CNBD1: variants seen among roughly 807,000 people sequenced by gnomAD.
CNBD1 encodes the protein cyclic nucleotide binding domain containing 1.
Under a neutral mutation model 54.4 loss-of-function variants are expected in CNBD1, and 71 were observed. The ratio of observed to expected loss-of-function variants is 1.30; its 90% confidence interval spans 1.08 to 1.59. The LOEUF is 1.59. Ranked by LOEUF, CNBD1 falls within the 40% of genes most tolerant of loss-of-function variation. The pLI is 0.00. For synonymous variants in CNBD1, 182 were observed against 170.7 expected, an observed-to-expected ratio of 1.07 and a Z score of -0.51; for missense variants, 659 against 518.0, an observed-to-expected ratio of 1.27 and a Z score of -2.64.
chr8:87,381,771 C>T (rs538581900), intron 10 of CNBD1, among the ~76,000 whole-genome samples: 1 of 151,754 alleles, frequency 6.6e-6, no homozygotes, highest in East Asian at 1.9e-4. Context: ...CCAAACCTGA[C>T]CACTCATACG....
rs561330289 is a variant in CNBD1, at chr8:87,269,549, G to C, written c.772-15129G>C. On this transcript the variant is annotated intron_variant, in intron 6 of 10. Coordinates refer to ENST00000518476, the MANE Select transcript of CNBD1 (RefSeq NM_173538.3). ...AACAATATTTATTCTTGCTATCCAC[G>C]AGCATGGAATATTTTTCCATTTGTT... is the stretch of plus-strand genomic sequence containing the variant. 4.6e-5 allele frequency among the ~76,000 whole-genome samples: 7 copies of C among 152,192 alleles called. No individual in the cohort carries two copies. In the South Asian group the frequency reaches 1.5e-3, roughly 32 times the overall value.
chr8:87,072,703 T>C (rs1320241577), intron 4 of CNBD1, among the ~76,000 whole-genome samples: 3 of 152,104 alleles, frequency 2.0e-5, no homozygotes, highest in Non-Finnish European at 2.9e-5. Flanking sequence ...GTTCTATTTG[T>C]AGGTGACCTG....
chr8:87,190,835 A>G (rs923249779), intron 4 of CNBD1, among the ~76,000 whole-genome samples: 2 of 151,236 alleles, frequency 1.3e-5, no homozygotes, highest in African/African-American at 4.9e-5. Context: ...GGAGGTACAT[A>G]TGTAGATATA....
intron 2 of CNBD1, among the ~76,000 whole-genome samples, chr8:87,416,607 T>C (rs1359366830): frequency 6.6e-6 from 1 of 152,024 alleles, no homozygotes; most frequent in Non-Finnish European, 1.5e-5. Context: ...ACATGTCTGG[T>C]CATTCTCTGG....
intron 3 of CNBD1, among the ~76,000 whole-genome samples, chr8:86,912,509 C>G (rs1809115555): frequency 6.6e-6 from 1 of 152,150 alleles, no homozygotes; most frequent in Non-Finnish European, 1.5e-5. Flanking sequence ...CCTGTAATGT[C>G]ATACTTTAAC....
At chr8:87,013,944 A>G (rs1809277559) in intron 4 of CNBD1, among the ~76,000 whole-genome samples, 1 of 151,872 alleles carries the variant, frequency 6.6e-6, no homozygotes, top group Non-Finnish European at 1.5e-5. Flanking sequence ...GGGTGATGCA[A>G]CATATTATCA....
At chr8:86,983,608 G>C (rs1436303298) in intron 4 of CNBD1, among the ~76,000 whole-genome samples, 1 of 152,140 alleles carries the variant, frequency 6.6e-6, no homozygotes, top group Non-Finnish European at 1.5e-5. Context: ...GGTGGTCTTA[G>C]ACAGAAAGGA....
intron 4 of CNBD1, among the ~76,000 whole-genome samples, chr8:87,084,331 G>A (rs948947125): frequency 2.0e-5 from 3 of 151,978 alleles, no homozygotes; most frequent in Non-Finnish European, 4.4e-5. Flanking sequence ...TCCTTCTACT[G>A]GAAAAAATTG....
intron 8 of CNBD1, among the ~76,000 whole-genome samples, chr8:87,325,014 G>T (rs1275951793): frequency 9.6e-6 from 1 of 103,806 alleles, no homozygotes; most frequent in African/African-American, 4.8e-5. Context: ...CTTTGTTCTC[G>T]TTGGTTTCAA....
intron 7 of CNBD1, 115 bp from the exon 8 acceptor site, chr8:87,286,424 A>T: frequency 1.6e-6 from 1 of 629,860 alleles, no homozygotes; most frequent in Non-Finnish European, 2.7e-6. Flanking sequence ...TGTATTCTAT[A>T]CTAACTTATA....
intron 4 of CNBD1, among the ~76,000 whole-genome samples, chr8:86,978,002 A>G (rs913619970): frequency 6.6e-6 from 1 of 152,276 alleles, no homozygotes; most frequent in Non-Finnish European, 1.5e-5. Context: ...CTAGTAAACT[A>G]AACTCAACAG....
At chr8:87,045,914 G>A (rs1192725030) in intron 4 of CNBD1, among the ~76,000 whole-genome samples, 1 of 151,506 alleles carries the variant, frequency 6.6e-6, no homozygotes, top group Non-Finnish European at 1.5e-5. Flanking sequence ...GGTGGCGCAC[G>A]CCTGTAGTCC....
intron 6 of CNBD1, among the ~76,000 whole-genome samples, chr8:87,280,298 A>C (rs554488846): frequency 6.6e-6 from 1 of 151,746 alleles, no homozygotes; most frequent in East Asian, 1.9e-4. Context: ...AATTTTTTTC[A>C]ATCTGGAGCA....
intron 10 of CNBD1, among the ~76,000 whole-genome samples, chr8:87,378,914 C>A (rs1375776891): frequency 2.0e-5 from 3 of 149,170 alleles, no homozygotes; most frequent in Non-Finnish European, 4.4e-5. Context: ...CTCTTTGAAG[C>A]AATTGTGAAT....
chr8:87,300,554 A>T (rs1472731313), intron 8 of CNBD1, among the ~76,000 whole-genome samples: 1 of 152,220 alleles, frequency 6.6e-6, no homozygotes, highest in Non-Finnish European at 1.5e-5. Context: ...TGAAGACATT[A>T]GAAAATCATA....
At chr8:87,096,998 C>A (rs781453763) in intron 4 of CNBD1, among the ~76,000 whole-genome samples, 1 of 152,138 alleles carries the variant, frequency 6.6e-6, no homozygotes, top group Non-Finnish European at 1.5e-5. Flanking sequence ...ACACAGCTTC[C>A]TTAACTACAT....
intron 8 of CNBD1, among the ~76,000 whole-genome samples, chr8:87,340,466 G>A (rs1302873036): frequency 1.3e-5 from 2 of 152,118 alleles, no homozygotes; most frequent in African/African-American, 2.4e-5. Context: ...AAAGTTTTCA[G>A]CCCTTATGTC....
At chr8:87,188,293 T>C (rs1813523171) in intron 4 of CNBD1, among the ~76,000 whole-genome samples, 1 of 152,212 alleles carries the variant, frequency 6.6e-6, no homozygotes, top group African/African-American at 2.4e-5. Context: ...TTCACATGCA[T>C]AAGTTGTGTT....
intron 4 of CNBD1, among the ~76,000 whole-genome samples, chr8:86,975,853 C>G (rs1007628812): frequency 6.6e-6 from 1 of 151,958 alleles, no homozygotes; most frequent in Non-Finnish European, 1.5e-5. Context: ...CAGCAACGTA[C>G]AAGGAGTTCT....
Sources: gnomAD v4.1 joint callset for allele counts (sites outside exome capture counted in the v4.1 genomes callset) on GRCh38, gnomAD v4.1.1 for gene constraint, MANE v1.5 for transcripts, NCBI Gene and HGNC (gene_info 2026-07-23, HGNC 2026-07-21) for gene names.